NEK11: variants seen among roughly 807,000 people sequenced by gnomAD.
The protein encoded by NEK11 is NIMA related kinase 11, also known as serine/threonine-protein kinase Nek11.
NEK11 carries 72 observed loss-of-function variants against 80.7 expected under a neutral mutation model. The ratio of observed to expected loss-of-function variants is 0.89; its 90% CI spans 0.74 to 1.08. The LOEUF is 1.08. Among genes scored for constraint, NEK11 ranks in the 50% least tolerant of loss-of-function variants. The pLI is 0.00. For synonymous variants in NEK11, 251 were observed against 260.7 expected (o/e 0.96, Z 0.36); for missense variants, 764 against 763.6 (o/e 1.00, Z -0.01).
intron 7 of NEK11, among the ~76,000 whole-genome samples, chr3:131,142,343 T>G (rs2674610): frequency 0.83 from 126,246 of 152,196 alleles, 52,478 homozygotes; most frequent in East Asian, 0.93. Context: ...AAACTGACAG[T>G]AGGGAGAAGA....
chr3:131,240,592 A>G (rs6771358), intron 15 of NEK11, among the ~76,000 whole-genome samples: 18,411 of 152,158 alleles, frequency 0.12, 1,964 homozygotes, highest in African/African-American at 0.29. Context: ...AAAGCAAACA[A>G]TATTTTAAAA....
intron 3 of NEK11, among the ~76,000 whole-genome samples, chr3:131,051,515 A>C (rs1338846667): frequency 6.6e-6 from 1 of 152,210 alleles, no homozygotes; most frequent in Non-Finnish European, 1.5e-5. Flanking sequence ...TTGGTTTACC[A>C]AATGGAATGA....
intron 3 of NEK11, among the ~76,000 whole-genome samples, chr3:131,069,188 A>G (rs1034135077): frequency 6.6e-6 from 1 of 152,134 alleles, no homozygotes; most frequent in African/African-American, 2.4e-5. Flanking sequence ...CCTAGATTAT[A>G]ATTTAATTTT....
chr3:131,048,816 T>A (rs2067859032), intron 3 of NEK11, among the ~76,000 whole-genome samples: 1 of 152,246 alleles, frequency 6.6e-6, no homozygotes, highest in South Asian at 2.1e-4. Context: ...ATCCACCATT[T>A]CTTTTTCTAG....
intron 4 of NEK11, among the ~76,000 whole-genome samples, chr3:131,093,235 T>C (rs1453680643): frequency 1.3e-5 from 2 of 152,224 alleles, no homozygotes; most frequent in East Asian, 3.8e-4. Context: ...GTAGATTACT[T>C]CTTACCAATA....
intron 17 of NEK11, among the ~76,000 whole-genome samples, chr3:131,335,749 T>C (rs2097171534): frequency 6.6e-6 from 1 of 152,214 alleles, no homozygotes. Context: ...CTCCTTAAGC[T>C]GATAAGCAAC....
Position 131,184,758 on chromosome 3 carries a change from T to A in NEK11, c.1399+13871T>A. On this transcript the variant is annotated intron_variant, in intron 14 of 17. Transcript: ENST00000383366. ...CTGGAAAAATGAAAAATAAAGGAATTTCTGAAATAAGGAAATAGAATCCTC... is the reference window on the plus strand; with the variant it reads ...CTGGAAAAATGAAAAATAAAGGAATATCTGAAATAAGGAAATAGAATCCTC... The A allele has an allele frequency of 2.5e-6, 3 of 1,213,834 alleles. No individual in the cohort carries two copies. The South Asian group carries it at 5.9e-5, about 24-fold the overall frequency. The allele number at this position is 1,213,834 out of a possible 1,614,324, so 75.2% of individuals were successfully genotyped here.
intron 16 of NEK11, among the ~76,000 whole-genome samples, chr3:131,249,429 A>G (rs1580859875): frequency 6.6e-6 from 1 of 151,998 alleles, no homozygotes; most frequent in Non-Finnish European, 1.5e-5. Flanking sequence ...GGAGAAATAG[A>G]CCCCAGGTGC....
At chr3:131,301,638 G>A (rs1484741826) in intron 17 of NEK11, among the ~76,000 whole-genome samples, 2 of 152,094 alleles carry the variant, frequency 1.3e-5, no homozygotes, top group African/African-American at 4.8e-5. Flanking sequence ...AGATGATCAT[G>A]TGGTTTTTGT....
chr3:131,091,716 G>A (rs376213286), intron 4 of NEK11, among the ~76,000 whole-genome samples: 3 of 152,154 alleles, frequency 2.0e-5, no homozygotes, highest in East Asian at 3.8e-4. Context: ...ATGCACAAAT[G>A]TCTCCAAATT....
chr3:131,168,111 CATCAGTCAT>C (rs2092391784), intron 12 of NEK11, among the ~76,000 whole-genome samples: 1 of 152,228 alleles, frequency 6.6e-6, no homozygotes, highest in Non-Finnish European at 1.5e-5. Flanking sequence ...TGTGCAGTCA[CATCAGTCAT>C]TTCCCTCTGG....
intron 3 of NEK11, among the ~76,000 whole-genome samples, chr3:131,030,732 G>A (rs563723184): frequency 1.1e-4 from 16 of 152,130 alleles, no homozygotes; most frequent in Admixed American, 3.9e-4. Context: ...TTGTCACCTC[G>A]TCTCTTTTGA....
intron 17 of NEK11, among the ~76,000 whole-genome samples, chr3:131,324,186 A>G (rs2096930665): frequency 6.6e-6 from 1 of 152,184 alleles, no homozygotes; most frequent in East Asian, 1.9e-4. Context: ...GGAAATTACT[A>G]AGAGAATTTG....
chr3:131,132,914 T>C (rs1385516613), intron 6 of NEK11, 105 bp downstream of exon 6: 13 of 568,480 alleles, frequency 2.3e-5, no homozygotes, highest in East Asian at 9.7e-5. Flanking sequence ...AGAGTAATCA[T>C]TGGTTTGTTT....
At chr3:131,214,837 CTTAAT>C (rs1406127641) in intron 14 of NEK11, among the ~76,000 whole-genome samples, 5 of 152,134 alleles carry the variant, frequency 3.3e-5, no homozygotes, top group Non-Finnish European at 7.4e-5. Flanking sequence ...CTGTACTGTA[CTTAAT>C]TTAGCCCTCC....
chr3:131,268,786 C>T (rs1020922743), intron 16 of NEK11, among the ~76,000 whole-genome samples: 1 of 152,224 alleles, frequency 6.6e-6, no homozygotes, highest in African/African-American at 2.4e-5. Flanking sequence ...CTTAGCAGAG[C>T]TCGAACACTG....
At chr3:131,162,097 G>A (rs1293350972) in intron 10 of NEK11, among the ~76,000 whole-genome samples, 1 of 152,182 alleles carries the variant, frequency 6.6e-6, no homozygotes, top group Admixed American at 6.5e-5. Context: ...TACTGGGCCA[G>A]TCTATTTACT....
chr3:131,259,027 G>T (rs2095866255), intron 16 of NEK11, among the ~76,000 whole-genome samples: 1 of 152,120 alleles, frequency 6.6e-6, no homozygotes, highest in Non-Finnish European at 1.5e-5. Flanking sequence ...CTTTACTAGA[G>T]CCATAGAAGA....
chr3:131,267,141 C>A (rs1032919142), intron 16 of NEK11, among the ~76,000 whole-genome samples: 1 of 152,142 alleles, frequency 6.6e-6, no homozygotes, highest in African/African-American at 2.4e-5. Context: ...ACTCTCTATC[C>A]AATTTGCTAG....
Sources: allele counts gnomAD v4.1 joint callset (sites outside exome capture counted in the v4.1 genomes callset), GRCh38; gene constraint gnomAD v4.1.1; transcripts MANE v1.5; gene names NCBI Gene and HGNC (gene_info 2026-07-23, HGNC 2026-07-21).